The following PARD3 variants were observed in gnomAD, a reference collection of about 807,000 sequenced individuals.
The protein encoded by PARD3 is partitioning defective 3 homolog.
Under a neutral mutation model 155.4 loss-of-function variants are expected in PARD3, and 75 were observed. The observed-to-expected ratio is 0.48, with a 90% CI of 0.40 to 0.58. The LOEUF (loss-of-function observed/expected upper bound fraction) is 0.58, where lower values mean the gene tolerates loss of function less well. Ranked by LOEUF, PARD3 falls within the 20% of genes least tolerant of loss-of-function variation. The pLI is 0.00. For synonymous variants in PARD3, 576 were observed against 610.5 expected (o/e 0.94, Z 0.83); for missense variants, 1,642 against 1,721.7 (o/e 0.95, Z 0.82).
intron 3 of PARD3, among the ~76,000 whole-genome samples, chr10:34,474,722 A>G (rs1203941994): frequency 6.6e-6 from 1 of 152,206 alleles, no homozygotes; most frequent in African/African-American, 2.4e-5. Context: ...CTCAATCACA[A>G]ATCACAAATT....
chr10:34,431,823 G>A (rs933907548), intron 5 of PARD3, among the ~76,000 whole-genome samples: 2 of 149,046 alleles, frequency 1.3e-5, no homozygotes, highest in African/African-American at 4.9e-5. Context: ...GCCGAGGCGG[G>A]TGGATCATTA....
chr10:34,519,986 A>G (rs1458477232), intron 2 of PARD3, among the ~76,000 whole-genome samples: 1 of 152,118 alleles, frequency 6.6e-6, no homozygotes, highest in Non-Finnish European at 1.5e-5. Flanking sequence ...AACTCAGCTT[A>G]GCCTTCCAAG....
In PARD3 at chr10:34,377,541, G is replaced by C. The variant is rs150762474; in HGVS notation, c.1539+426C>G. On this transcript the variant is annotated intron_variant, in intron 10 of 24. Coordinates refer to ENST00000374788, the MANE Select transcript of PARD3 (RefSeq NM_001184785.2). ...GAAGGTGGAGGCTGCAGTAAGCTGA[G>C]ATTGTGCCACTGCACTCCAGCCTGG... Among the ~76,000 whole-genome samples, 459 of 152,244 alleles carry C rather than the reference G, an allele frequency of 3.0e-3. 3 individuals are homozygous for C. Among genetic ancestry groups the C allele is most frequent in the African/African-American group, 0.01 (432 of 41,542 alleles).
At chr10:34,261,753 G>A (rs7911155) in intron 22 of PARD3, among the ~76,000 whole-genome samples, 3,937 of 42,928 alleles carry the variant, frequency 0.092, 282 homozygotes, top group African/African-American at 0.24. Flanking sequence ...AGAAAGGAAG[G>A]AAGAAAGGAA....
At chr10:34,662,049 T>C (rs1180495390) in intron 2 of PARD3, among the ~76,000 whole-genome samples, 1 of 152,172 alleles carries the variant, frequency 6.6e-6, no homozygotes, top group Non-Finnish European at 1.5e-5. Context: ...AGGCTACTAC[T>C]GGGCAGGGAG....
chr10:34,327,245 T>A (rs1335759222), intron 19 of PARD3, among the ~76,000 whole-genome samples: 1 of 152,198 alleles, frequency 6.6e-6, no homozygotes, highest in South Asian at 2.1e-4. Context: ...TCGGAGATAA[T>A]GGGTCCCAGA....
intron 22 of PARD3, among the ~76,000 whole-genome samples, chr10:34,206,775 T>C (rs1049399700): frequency 6.6e-6 from 1 of 152,214 alleles, no homozygotes; most frequent in African/African-American, 2.4e-5. Context: ...TTCCAGGTGT[T>C]GCCATAGCAA....
chr10:34,366,700 T>C (rs1214409619), intron 12 of PARD3, among the ~76,000 whole-genome samples: 2 of 152,210 alleles, frequency 1.3e-5, no homozygotes, highest in African/African-American at 4.8e-5. Flanking sequence ...ATTTATATTT[T>C]TAACTAAGAG....
chr10:34,348,768 T>C (rs1050115469), intron 14 of PARD3, among the ~76,000 whole-genome samples: 5 of 152,132 alleles, frequency 3.3e-5, no homozygotes, highest in Admixed American at 1.3e-4. Context: ...CAGAACAATA[T>C]GAAAATCGGG....
chr10:34,661,780 G>C (rs968747232), intron 2 of PARD3, among the ~76,000 whole-genome samples: 1 of 152,190 alleles, frequency 6.6e-6, no homozygotes, highest in Admixed American at 6.5e-5. Flanking sequence ...AGCTGTCAAA[G>C]GAGGGACCGC....
chr10:34,456,885 A>C (rs1160146445), intron 4 of PARD3, among the ~76,000 whole-genome samples: 1 of 152,186 alleles, frequency 6.6e-6, no homozygotes, highest in Non-Finnish European at 1.5e-5. Context: ...TAGATAATAA[A>C]ATTCATTTAA....
At chr10:34,605,958 A>C (rs1208361444) in intron 2 of PARD3, among the ~76,000 whole-genome samples, 2 of 119,708 alleles carry the variant, frequency 1.7e-5, no homozygotes, top group African/African-American at 6.6e-5. Context: ...CTATATATAT[A>C]TATCTCCTAT....
At chr10:34,171,525 T>A (rs1949790872) in intron 22 of PARD3, among the ~76,000 whole-genome samples, 1 of 152,134 alleles carries the variant, frequency 6.6e-6, no homozygotes. Flanking sequence ...ATTTTGACAA[T>A]GTTGCAGGAT....
At chr10:34,736,661 T>TATTTATTTATTAATTAATTAATTAATTA (rs2094921032) in intron 1 of PARD3, among the ~76,000 whole-genome samples, 1 of 141,568 alleles carries the variant, frequency 7.1e-6, no homozygotes, top group Non-Finnish European at 1.5e-5. Flanking sequence ...TTAATTTATT[T>TATTTATTTATTAATTAATTAATTAATTA]ATTTATTTAT....
intron 1 of PARD3, among the ~76,000 whole-genome samples, chr10:34,697,362 T>C (rs2133492492): frequency 6.6e-6 from 1 of 152,318 alleles, no homozygotes; most frequent in African/African-American, 2.4e-5. Context: ...AAAGATGATG[T>C]TTGATACAGT....
At chr10:34,497,410 T>C (rs1158053329) in intron 3 of PARD3, among the ~76,000 whole-genome samples, 1 of 152,180 alleles carries the variant, frequency 6.6e-6, no homozygotes, top group Non-Finnish European at 1.5e-5. Context: ...TATTACACAA[T>C]TTTAAATAAG....
At chr10:34,400,567 G>A (rs192565696) in intron 6 of PARD3, among the ~76,000 whole-genome samples, 263 of 152,008 alleles carry the variant, frequency 1.7e-3, no homozygotes, top group African/African-American at 5.9e-3. Flanking sequence ...TAAGCCAGCT[G>A]GAAAACAATC....
intron 20 of PARD3, among the ~76,000 whole-genome samples, chr10:34,309,137 T>A (rs140179013): frequency 6.6e-6 from 1 of 152,126 alleles, no homozygotes; most frequent in East Asian, 1.9e-4. Flanking sequence ...AGCAAATATA[T>A]CAAAGGGTCT....
At position 34,697,037 on chromosome 10, in the gene PARD3, C is replaced by A. The variant is rs2094187018; in HGVS notation, c.121-618G>T. 4.0e-5 allele frequency among the ~76,000 whole-genome samples: 6 copies of A among 149,068 alleles called. No individual in the cohort carries two copies. The South Asian group carries it at 1.3e-3, about 32-fold the overall frequency. The stretch of plus-strand genomic sequence containing the variant: ...ACACACACATATTAAAATGCGTAAA[C>A]ACACACACACACACACACCCCCCTC... On this transcript the variant is annotated intron_variant, in intron 1 of 24. Coordinates refer to ENST00000374788, the MANE Select transcript of PARD3 (RefSeq NM_001184785.2).
Sources: allele counts gnomAD v4.1 joint callset (sites outside exome capture counted in the v4.1 genomes callset), GRCh38; gene constraint gnomAD v4.1.1; transcripts MANE v1.5; gene names NCBI Gene and HGNC (gene_info 2026-07-23, HGNC 2026-07-21).